CNTNAP5: variants seen among roughly 807,000 people sequenced by gnomAD.
CNTNAP5 encodes contactin associated protein family member 5.
A neutral mutation model predicts 150.2 loss-of-function variants in CNTNAP5; 72 were observed. That is an observed-to-expected ratio of 0.48 (90% CI 0.40 to 0.58). The LOEUF is 0.58. Ranked by LOEUF, CNTNAP5 falls within the 20% of genes least tolerant of loss-of-function variation. The pLI, the probability that CNTNAP5 is intolerant of heterozygous loss-of-function variation, is 0.00. For missense variants in CNTNAP5, 1,636 were observed against 1,626.2 expected (o/e 1.01, Z -0.10); for synonymous variants, 672 against 619.8 (o/e 1.08, Z -1.25).
chr2:124,134,725 T>C (rs1683934319), intron 1 of CNTNAP5, among the ~76,000 whole-genome samples: 1 of 152,198 alleles, frequency 6.6e-6, no homozygotes, highest in Non-Finnish European at 1.5e-5. Flanking sequence ...CCTAGTTTTT[T>C]ACATGTACTT....
chr2:124,221,890 G>T, intron 2 of CNTNAP5, 81 bp downstream of exon 2: 7 of 867,896 alleles, frequency 8.1e-6, no homozygotes, highest in African/African-American at 3.3e-5. Flanking sequence ...AGCACTCTCA[G>T]ACACTGAAAT....
intron 3 of CNTNAP5, among the ~76,000 whole-genome samples, chr2:124,314,604 T>A (rs754557452): frequency 6.6e-6 from 1 of 152,234 alleles, no homozygotes; most frequent in Non-Finnish European, 1.5e-5. Flanking sequence ...ATAATATTTA[T>A]GAGTTTGTTT....
chr2:124,542,221 C>T (rs1293973998), intron 10 of CNTNAP5, among the ~76,000 whole-genome samples: 5 of 150,644 alleles, frequency 3.3e-5, no homozygotes, highest in Non-Finnish European at 5.9e-5. Context: ...CCTGTTCCTC[C>T]CTATCTATTT....
At chr2:124,296,852 T>C (rs1259991149) in intron 3 of CNTNAP5, among the ~76,000 whole-genome samples, 4 of 152,190 alleles carry the variant, frequency 2.6e-5, no homozygotes, top group Middle Eastern at 3.2e-3. Context: ...CTGCTATTCA[T>C]TCAGAGGGTG....
chr2:124,912,803 C>G (rs1311588368), intron 23 of CNTNAP5, among the ~76,000 whole-genome samples: 1 of 152,068 alleles, frequency 6.6e-6, no homozygotes, highest in Admixed American at 6.6e-5. Context: ...TTCCTGGAGG[C>G]TTGCACAGCT....
At chr2:124,165,170 C>T (rs1176604040) in intron 1 of CNTNAP5, among the ~76,000 whole-genome samples, 1 of 152,162 alleles carries the variant, frequency 6.6e-6, no homozygotes, top group African/African-American at 2.4e-5. Context: ...AACAGGGCAG[C>T]TAATGTGTTC....
At chr2:124,231,928 A>G (rs566332253) in intron 2 of CNTNAP5, among the ~76,000 whole-genome samples, 1 of 152,258 alleles carries the variant, frequency 6.6e-6, no homozygotes, top group Admixed American at 6.5e-5. Flanking sequence ...TACTAATCAA[A>G]AGATTTGAAC....
chr2:124,909,786 CCACT>C lies in CNTNAP5; in HGVS notation c.3656-1680_3656-1677del, dbSNP rs1467551960. Among the ~76,000 whole-genome samples, 3 of 134,416 alleles carry C rather than the reference CCACT, an allele frequency of 2.2e-5. No individual in the cohort carries two copies. The East Asian group carries it at 6.5e-4, about 29-fold the overall frequency. The allele number at this position is 134,416 out of a possible 152,430, so 88.2% of individuals were successfully genotyped here. A position where few individuals can be genotyped will look rare whatever the true frequency, so the allele number is the denominator to read the frequency against. ...CCCGCTCTCTCTCTGTCTCTAACAC[CCACT>C]ATCATCATTATCACCCCATCGTTAT... On this transcript the variant is annotated intron_variant, in intron 22 of 23. Transcript: ENST00000682447.
At chr2:124,223,192 G>T (rs1184780446) in intron 2 of CNTNAP5, among the ~76,000 whole-genome samples, 1 of 152,080 alleles carries the variant, frequency 6.6e-6, no homozygotes, top group Non-Finnish European at 1.5e-5. Context: ...TCAAACCTAG[G>T]TTATCTGAAT....
chr2:124,695,864 G>A lies in CNTNAP5; in HGVS notation c.2077+47906G>A, dbSNP rs573118793. Among the ~76,000 whole-genome samples, 6 of 152,240 alleles carry A rather than the reference G, an allele frequency of 3.9e-5. No homozygotes were observed. In the South Asian group the frequency reaches 1.2e-3, roughly 32 times the overall value. ...TGAAGAGTGCTCGGCACCTGTCCCA[G>A]GTTCCTTGTGCATATTTTTGCTTGT... On this transcript the variant is annotated intron_variant, in intron 13 of 23. Transcript: ENST00000682447.
intron 1 of CNTNAP5, among the ~76,000 whole-genome samples, chr2:124,176,340 A>G (rs921464092): frequency 3.9e-5 from 6 of 152,224 alleles, no homozygotes; most frequent in Non-Finnish European, 8.8e-5. Context: ...GAACTTGATG[A>G]TGAAAGATTG....
At chr2:124,288,056 A>C (rs550638581) in intron 3 of CNTNAP5, among the ~76,000 whole-genome samples, 1 of 152,250 alleles carries the variant, frequency 6.6e-6, no homozygotes, top group Middle Eastern at 3.4e-3. Flanking sequence ...CAGCCTCTCA[A>C]GTAGCTGGAA....
At chr2:124,525,357 G>A (rs563459564) in intron 9 of CNTNAP5, among the ~76,000 whole-genome samples, 1 of 152,266 alleles carries the variant, frequency 6.6e-6, no homozygotes, top group African/African-American at 2.4e-5. Flanking sequence ...AGTTAAGTAC[G>A]ACCAAGGTGT....
rs539480443 is a variant in CNTNAP5, at chr2:124,304,179, A to T, written c.381+61786A>T. On this transcript the variant is annotated intron_variant, in intron 3 of 23. Coordinates refer to ENST00000682447, the MANE Select transcript of CNTNAP5 (RefSeq NM_001367498.1). Reference sequence around the variant, plus strand: ...ACTTTATAAGTTGTATACTTTGGCAACAAGGATAATTGAATAAATAACTAG... The same window carrying T: ...ACTTTATAAGTTGTATACTTTGGCATCAAGGATAATTGAATAAATAACTAG... Among the ~76,000 whole-genome samples the T allele has an allele frequency of 2.6e-5, 4 of 152,348 alleles. No homozygotes were observed. In the East Asian group the frequency reaches 7.7e-4, roughly 29 times the overall value.
intron 3 of CNTNAP5, among the ~76,000 whole-genome samples, chr2:124,410,589 T>G (rs2104768940): frequency 6.9e-6 from 1 of 145,920 alleles, no homozygotes; most frequent in African/African-American, 2.5e-5. Context: ...TCAAAACCGC[T>G]CAACTACATG....
chr2:124,772,516 G>A (rs920055500), intron 16 of CNTNAP5, among the ~76,000 whole-genome samples: 2 of 152,114 alleles, frequency 1.3e-5, no homozygotes, highest in Admixed American at 1.3e-4. Context: ...AGAAAATCCA[G>A]GGCCTCGGCA....
chr2:124,830,556 A>G (rs564339843), intron 19 of CNTNAP5, among the ~76,000 whole-genome samples: 3 of 152,184 alleles, frequency 2.0e-5, no homozygotes, highest in South Asian at 4.1e-4. Flanking sequence ...TGTACACTAT[A>G]TAATAGAGGA....
chr2:124,215,730 A>T (rs1459530454), intron 1 of CNTNAP5, among the ~76,000 whole-genome samples: 1 of 150,786 alleles, frequency 6.6e-6, no homozygotes, highest in Non-Finnish European at 1.5e-5. Flanking sequence ...AAAAAAAAAA[A>T]AAAGAAGAGA....
At chr2:124,204,359 A>G (rs937064034) in intron 1 of CNTNAP5, among the ~76,000 whole-genome samples, 3 of 152,154 alleles carry the variant, frequency 2.0e-5, no homozygotes, top group African/African-American at 4.8e-5. Flanking sequence ...AAGCCATTCA[A>G]TGCATCTCTA....
Sources: allele counts gnomAD v4.1 joint callset (sites outside exome capture counted in the v4.1 genomes callset), GRCh38; gene constraint gnomAD v4.1.1; transcripts MANE v1.5; gene names NCBI Gene and HGNC (gene_info 2026-07-23, HGNC 2026-07-21).